The following RERE variants were observed in gnomAD, a reference collection of about 807,000 sequenced individuals.
RERE encodes arginine-glutamic acid dipeptide repeats protein.
A neutral mutation model predicts 146.1 loss-of-function variants in RERE; 40 were observed. That is an observed-to-expected ratio of 0.27 (90% CI 0.21 to 0.36). RERE has a LOEUF of 0.36. Ranked by LOEUF, RERE falls within the 10% of genes least tolerant of loss-of-function variation. RERE has a pLI of 1.00. For missense variants in RERE, 1,933 were observed against 2,138.7 expected (o/e 0.90, Z 1.90); for synonymous variants, 1,003 against 866.0 (o/e 1.16, Z -2.78).
In RERE at chr1:8,366,824, C is replaced by A. The variant is rs188363442; in HGVS notation, c.1285-850G>T. On this transcript the variant is annotated intron_variant, in intron 12 of 22. Coordinates refer to ENST00000400908, the MANE Select transcript of RERE (RefSeq NM_001042681.2). ...CTTTGGGCACCCCCAGCCCTCAGGG[C>A]GCTGCAGGCTGCCATCTCACCCTAC... Among the ~76,000 whole-genome samples the A allele has an allele frequency of 2.7e-5, 4 of 150,896 alleles. No individual in the cohort carries two copies. In the East Asian group the frequency reaches 5.9e-4, roughly 22 times the overall value.
At chr1:8,593,409 T>C (rs1203692782) in intron 4 of RERE, among the ~76,000 whole-genome samples, 2 of 152,194 alleles carry the variant, frequency 1.3e-5, no homozygotes, top group Admixed American at 6.5e-5. Flanking sequence ...AGTGAATACG[T>C]CTCATGAGAT....
chr1:8,407,635 T>G lies in RERE; in HGVS notation c.1284+15092A>C, dbSNP rs187279141. On this transcript the variant is annotated intron_variant, in intron 12 of 22. Transcript: ENST00000400908. ...GAGGGTGCCATTTTTAGTATCACCG[T>G]GCCTCAGTTTCTCCACCTGTGCATG... 2.5e-4 allele frequency among the ~76,000 whole-genome samples: 38 copies of G among 152,248 alleles called. No individual in the cohort carries two copies. The East Asian group carries it at 7.1e-3, about 29-fold the overall frequency.
intron 1 of RERE, among the ~76,000 whole-genome samples, chr1:8,705,396 C>G (rs984060070): frequency 6.6e-6 from 1 of 152,154 alleles, no homozygotes; most frequent in Non-Finnish European, 1.5e-5. Flanking sequence ...TTCTTCCCAC[C>G]AGAGCAGGAA....
chr1:8,756,096 A>G (rs1409435763), intron 1 of RERE, among the ~76,000 whole-genome samples: 1 of 152,170 alleles, frequency 6.6e-6, no homozygotes, highest in Non-Finnish European at 1.5e-5. Flanking sequence ...GAAGTTCAAG[A>G]CCAGCTTGGG....
intron 10 of RERE, among the ~76,000 whole-genome samples, chr1:8,486,648 G>A (rs1054072724): frequency 1.9e-4 from 29 of 149,502 alleles, no homozygotes; most frequent in Admixed American, 2.0e-4. Context: ...TAAAACAAAC[G>A]GGAAAAAATA....
intron 1 of RERE, among the ~76,000 whole-genome samples, chr1:8,814,419 T>C (rs925365007): frequency 3.9e-5 from 6 of 152,256 alleles, no homozygotes; most frequent in Non-Finnish European, 5.9e-5. Flanking sequence ...CCCTCTTCTA[T>C]GATAATTTGT....
intron 11 of RERE, among the ~76,000 whole-genome samples, chr1:8,431,457 C>T (rs1644094590): frequency 6.6e-6 from 1 of 152,282 alleles, no homozygotes; most frequent in East Asian, 1.9e-4. Context: ...CCTACTGATT[C>T]TACATTATAG....
chr1:8,517,532 A>G (rs531775894), intron 7 of RERE, among the ~76,000 whole-genome samples: 1 of 152,352 alleles, frequency 6.6e-6, no homozygotes, highest in South Asian at 2.1e-4. Flanking sequence ...CTGTGTAGCT[A>G]ATGTAAATAA....
intron 1 of RERE, among the ~76,000 whole-genome samples, chr1:8,788,418 G>T (rs1320663217): frequency 6.8e-6 from 1 of 147,664 alleles, no homozygotes; most frequent in Non-Finnish European, 1.5e-5. Context: ...AGGCTGGAGC[G>T]CAGTGGCGCG....
chr1:8,503,124 AAAT>A (rs1557662601), intron 8 of RERE, among the ~76,000 whole-genome samples: 3 of 151,700 alleles, frequency 2.0e-5, no homozygotes, highest in African/African-American at 7.3e-5. Context: ...ATAAATAAAT[AAAT>A]AAAAAAGAAT....
intron 1 of RERE, among the ~76,000 whole-genome samples, chr1:8,687,640 C>T (rs188129974): frequency 6.2e-4 from 94 of 152,216 alleles, no homozygotes; most frequent in Admixed American, 1.5e-3. Flanking sequence ...TGGGGAGAGT[C>T]GTAATTTCTC....
chr1:8,752,319 T>C (rs1287412611), intron 1 of RERE, among the ~76,000 whole-genome samples: 1 of 152,194 alleles, frequency 6.6e-6, no homozygotes, highest in East Asian at 1.9e-4. Flanking sequence ...AGTTTCATAT[T>C]CTTGTACTAA....
chr1:8,636,075 G>A (rs965397883), intron 2 of RERE, among the ~76,000 whole-genome samples: 1 of 151,956 alleles, frequency 6.6e-6, no homozygotes, highest in Non-Finnish European at 1.5e-5. Flanking sequence ...CGCAACCTCC[G>A]CCTCCCAGGT....
At chr1:8,692,709 T>C (rs902245141) in intron 1 of RERE, among the ~76,000 whole-genome samples, 2 of 152,192 alleles carry the variant, frequency 1.3e-5, no homozygotes, top group African/African-American at 4.8e-5. Flanking sequence ...ATAAACGCTA[T>C]ATTTTTTAAT....
chr1:8,729,549 GTTGT>G (rs934208205), intron 1 of RERE, among the ~76,000 whole-genome samples: 8 of 151,980 alleles, frequency 5.3e-5, no homozygotes, highest in Middle Eastern at 3.2e-3. Context: ...ATTTTCTATG[GTTGT>G]TTGTCTTCCC....
intron 12 of RERE, among the ~76,000 whole-genome samples, chr1:8,371,639 C>T (rs1642040873): frequency 6.6e-6 from 1 of 152,204 alleles, no homozygotes; most frequent in South Asian, 2.1e-4. Context: ...TTTATTTCTG[C>T]CCCCTCCAGG....
chr1:8,639,086 G>GGCCTATAGCC (rs1647141772), intron 2 of RERE, among the ~76,000 whole-genome samples: 1 of 152,062 alleles, frequency 6.6e-6, no homozygotes, highest in Non-Finnish European at 1.5e-5. Context: ...AAAAATTTTT[G>GGCCTATAGCC]AAGTCTATAG....
intron 1 of RERE, among the ~76,000 whole-genome samples, chr1:8,763,735 T>TA (rs1394826159): frequency 6.6e-6 from 1 of 151,914 alleles, no homozygotes; most frequent in African/African-American, 2.4e-5. Context: ...GGTCAGGAGA[T>TA]AGAGACCATC....
chr1:8,366,052 A>C, intron 12 of RERE, 78 bp from the exon 13 acceptor site: 2 of 1,429,328 alleles, frequency 1.4e-6, no homozygotes, highest in Non-Finnish European at 1.9e-6. Context: ...GCCACAGTGG[A>C]AAGCTGGGTG....
Sources: gnomAD v4.1 joint callset for allele counts (sites outside exome capture counted in the v4.1 genomes callset) on GRCh38, gnomAD v4.1.1 for gene constraint, MANE v1.5 for transcripts, NCBI Gene and HGNC (gene_info 2026-07-23, HGNC 2026-07-21) for gene names.